The following TBC1D7 variants were observed in gnomAD, a reference collection of about 807,000 sequenced individuals.
The protein encoded by TBC1D7 is TBC domain family 7.
A neutral mutation model predicts 35.3 loss-of-function variants in TBC1D7; 33 were observed. The ratio of observed to expected loss-of-function variants is 0.93; its 90% confidence interval spans 0.71 to 1.25. The LOEUF is 1.25. Among genes scored for constraint, TBC1D7 ranks in the 50% most tolerant of loss-of-function variants. The pLI is 0.00. For synonymous variants in TBC1D7, 135 were observed against 129.5 expected, an observed-to-expected ratio of 1.04 and a Z score of -0.29; for missense variants, 362 against 365.3, an observed-to-expected ratio of 0.99 and a Z score of 0.07.
rs1434933984 is a variant in TBC1D7, at chr6:13,328,457, T to TGGGACACCC, written c.-179_-171dup. On this transcript the variant is annotated 5_prime_UTR_variant, in exon 1 of 8. Transcript: ENST00000379300. ...GGAAGGAGGGAGGCGGCGGGGTACC[T>TGGGACACCC]GGGACACCCGCGCGCGCCCAGACGG... 1 of 150,788 alleles carries TGGGACACCC rather than the reference T, an allele frequency of 6.6e-6. No homozygotes were observed. Among genetic ancestry groups the TGGGACACCC allele is most frequent in the Non-Finnish European group, 1.5e-5 (1 of 66,612 alleles). 9.3% of individuals were successfully genotyped at this position (150,788 alleles called of 1,614,324 possible).
intron 3 of TBC1D7, among the ~76,000 whole-genome samples, chr6:13,323,078 C>A (rs192739119): frequency 1.3e-5 from 2 of 152,120 alleles, no homozygotes; most frequent in Non-Finnish European, 2.9e-5. Context: ...GTGGGCCGAG[C>A]GCGGTGTCTC....
rs181300945 is a variant in TBC1D7 at position 13,325,225 on chromosome 6, A to G, written c.113-51T>C. 131 of 1,304,424 alleles carry G rather than the reference A, an allele frequency of 1.0e-4. No homozygotes were observed. In the Middle Eastern group the frequency reaches 2.4e-3, roughly 24 times the overall value. The allele number at this position is 1,304,424 out of a possible 1,614,324, so 80.8% of individuals were successfully genotyped here. A position where few individuals can be genotyped will look rare whatever the true frequency, so the allele number is the denominator to read the frequency against. ...AGAAGCTTTTCATGCTGATCACAGT[A>G]TGTCAAGGCACATTTCATTTTTTAA... On this transcript the variant is annotated intron_variant, in intron 2 of 7. Transcript: ENST00000379300.
chr6:13,309,021 C>A (rs891278679), intron 5 of TBC1D7, among the ~76,000 whole-genome samples: 1 of 152,168 alleles, frequency 6.6e-6, no homozygotes, highest in Non-Finnish European at 1.5e-5. Flanking sequence ...CAAAGAGGGG[C>A]CCACATCATA....
At chr6:13,315,737 A>G (rs112602233) in intron 5 of TBC1D7, among the ~76,000 whole-genome samples, 3,470 of 152,324 alleles carry the variant, frequency 0.023, 136 homozygotes, top group African/African-American at 0.079. Context: ...AAATGGAAAC[A>G]AAATATGTGT....
chr6:13,321,115 C>G lies in TBC1D7; in HGVS notation c.194-20G>C. 6.3e-7 allele frequency: 1 copy of G among 1,583,218 alleles called. No individual in the cohort carries two copies. Among genetic ancestry groups the G allele is most frequent in the Non-Finnish European group, 8.6e-7 (1 of 1,165,286 alleles). Reference sequence around the variant, plus strand: ...AGATTCCTAGAGAGAACAGGAAAAACGAAAAAAGGACAAAATACTGAGCCA... The same window carrying G: ...AGATTCCTAGAGAGAACAGGAAAAAGGAAAAAAGGACAAAATACTGAGCCA... On this transcript the variant is annotated intron_variant, in intron 3 of 7. Coordinates refer to ENST00000379300, the MANE Select transcript of TBC1D7 (RefSeq NM_016495.6).
At chr6:13,320,529 G>C (rs1466525128) in intron 4 of TBC1D7, 1 of 536,996 alleles carries the variant, frequency 1.9e-6, no homozygotes, top group African/African-American at 1.9e-5. Context: ...AAGCAAAACA[G>C]ATGCTTAAAG....
chr6:13,310,886 C>T (rs1343715372), intron 5 of TBC1D7, among the ~76,000 whole-genome samples: 5 of 151,934 alleles, frequency 3.3e-5, no homozygotes, highest in African/African-American at 7.3e-5. Flanking sequence ...TATTGCCTGA[C>T]CTTTTTCATA....
chr6:13,312,334 A>G (rs1050698732), intron 5 of TBC1D7, among the ~76,000 whole-genome samples: 1 of 152,306 alleles, frequency 6.6e-6, no homozygotes, highest in South Asian at 2.1e-4. Context: ...TCTGATGCCA[A>G]CCAAAGATAA....
intron 5 of TBC1D7, among the ~76,000 whole-genome samples, chr6:13,313,542 G>A (rs1783381665): frequency 7.2e-6 from 1 of 139,794 alleles, no homozygotes; most frequent in Non-Finnish European, 1.6e-5. Context: ...CTGCTCGTAG[G>A]TACCAAGCCT....
At chr6:13,324,061 T>A (rs1287078500) in intron 3 of TBC1D7, among the ~76,000 whole-genome samples, 1 of 152,236 alleles carries the variant, frequency 6.6e-6, no homozygotes, top group Non-Finnish European at 1.5e-5. Flanking sequence ...ATAGTTTATA[T>A]TCTTCAGGGA....
chr6:13,313,531 T>A (rs1371815642), intron 5 of TBC1D7, among the ~76,000 whole-genome samples: 7 of 147,328 alleles, frequency 4.8e-5, no homozygotes, highest in African/African-American at 7.6e-5. Flanking sequence ...TGCTTGAGCA[T>A]CTGCTCGTAG....
intron 3 of TBC1D7, among the ~76,000 whole-genome samples, chr6:13,322,829 C>G (rs1014434695): frequency 2.0e-5 from 3 of 152,206 alleles, no homozygotes; most frequent in Non-Finnish European, 4.4e-5. Context: ...TGACCAAACC[C>G]TCATCACCCT....
chr6:13,322,382 A>C (rs1170535922), intron 3 of TBC1D7, among the ~76,000 whole-genome samples: 3 of 152,304 alleles, frequency 2.0e-5, no homozygotes, highest in South Asian at 2.1e-4. Context: ...CCAGCTCTAC[A>C]ATTAACTGGC....
intron 5 of TBC1D7, among the ~76,000 whole-genome samples, chr6:13,309,567 T>A (rs1344845954): frequency 6.6e-6 from 1 of 152,228 alleles, no homozygotes; most frequent in Non-Finnish European, 1.5e-5. Context: ...CTTAACCTTT[T>A]TCCTGGTTTA....
At chr6:13,321,382 GCAACCACATCAATC>G (rs1490569262) in intron 3 of TBC1D7, among the ~76,000 whole-genome samples, 1 of 152,214 alleles carries the variant, frequency 6.6e-6, no homozygotes, top group African/African-American at 2.4e-5. Flanking sequence ...TTCAAGATTA[GCAACCACATCAATC>G]CTAACAATGG....
chr6:13,327,772 T>C (rs888900794), intron 1 of TBC1D7: 14 of 152,182 alleles, frequency 9.2e-5, no homozygotes, highest in African/African-American at 3.1e-4. Flanking sequence ...CAAGTTAGAT[T>C]TGGCGTTTCA....
chr6:13,327,021 A>C, intron 1 of TBC1D7, 115 bp from the exon 2 acceptor site: 1 of 616,406 alleles, frequency 1.6e-6, no homozygotes, highest in Non-Finnish European at 2.8e-6. Flanking sequence ...CACCTTTTCA[A>C]TATGATGTAC....
At chr6:13,315,429 G>A (rs1380354827) in intron 5 of TBC1D7, among the ~76,000 whole-genome samples, 1 of 152,134 alleles carries the variant, frequency 6.6e-6, no homozygotes, top group Non-Finnish European at 1.5e-5. Flanking sequence ...AACAAAATAT[G>A]TGGCTGGGTG....
intron 4 of TBC1D7, among the ~76,000 whole-genome samples, chr6:13,317,515 T>G (rs1400144767): frequency 6.6e-6 from 1 of 152,270 alleles, no homozygotes; most frequent in South Asian, 2.1e-4. Context: ...GTTATTTTAA[T>G]GTATTATTTC....
Sources: allele counts gnomAD v4.1 joint callset (sites outside exome capture counted in the v4.1 genomes callset), GRCh38; gene constraint gnomAD v4.1.1; transcripts MANE v1.5; gene names NCBI Gene and HGNC (gene_info 2026-07-23, HGNC 2026-07-21).